The following AGBL4 variants were observed in gnomAD, a reference collection of about 807,000 sequenced individuals.
The protein encoded by AGBL4 is AGBL carboxypeptidase 4.
Under a neutral mutation model 66.4 loss-of-function variants are expected in AGBL4, and 58 were observed. That is an observed-to-expected ratio of 0.87 (90% CI 0.71 to 1.09). AGBL4 has a LOEUF of 1.09. Among genes scored for constraint, AGBL4 ranks in the 50% least tolerant of loss-of-function variants. AGBL4 has a pLI of 0.00. For missense variants in AGBL4, 579 were observed against 631.0 expected, an observed-to-expected ratio of 0.92 and a Z score of 0.88; for synonymous variants, 234 against 222.9, an observed-to-expected ratio of 1.05 and a Z score of -0.44.
At chr1:49,464,003 T>G (rs559002002) in intron 3 of AGBL4, among the ~76,000 whole-genome samples, 1 of 151,640 alleles carries the variant, frequency 6.6e-6, no homozygotes, top group South Asian at 2.1e-4. Context: ...AATAAACACA[T>G]GTTGATTAAT....
chr1:49,426,384 T>C (rs996235293), intron 3 of AGBL4, among the ~76,000 whole-genome samples: 7 of 152,188 alleles, frequency 4.6e-5, no homozygotes, highest in Non-Finnish European at 5.9e-5. Context: ...CTGGATGCAA[T>C]TGGAGCTTTA....
intron 4 of AGBL4, among the ~76,000 whole-genome samples, chr1:49,218,058 T>G (rs1378122342): frequency 3.3e-5 from 5 of 152,146 alleles, no homozygotes; most frequent in African/African-American, 9.7e-5. Flanking sequence ...ACTGATTCTG[T>G]TTCTGCTCTT....
At chr1:49,655,589 C>T (rs991066059) in intron 3 of AGBL4, among the ~76,000 whole-genome samples, 14 of 152,096 alleles carry the variant, frequency 9.2e-5, no homozygotes, top group African/African-American at 2.7e-4. Context: ...TAAATGCCTA[C>T]AAGAGAAAGC....
At chr1:49,975,373 C>T (rs1658471046) in intron 1 of AGBL4, among the ~76,000 whole-genome samples, 1 of 152,156 alleles carries the variant, frequency 6.6e-6, no homozygotes, top group Non-Finnish European at 1.5e-5. Context: ...TGCAAGTTTA[C>T]CACTTTGCAT....
At chr1:49,522,723 G>A (rs1212651802) in intron 3 of AGBL4, among the ~76,000 whole-genome samples, 4 of 152,092 alleles carry the variant, frequency 2.6e-5, no homozygotes, top group African/African-American at 9.7e-5. Flanking sequence ...GCTAGACCAT[G>A]ATCTGCCATT....
At chr1:49,260,792 T>C (rs1254174182) in intron 3 of AGBL4, among the ~76,000 whole-genome samples, 1 of 152,042 alleles carries the variant, frequency 6.6e-6, no homozygotes, top group Non-Finnish European at 1.5e-5. Flanking sequence ...GAGGGAATCC[T>C]CCCTAACTCA....
intron 2 of AGBL4, among the ~76,000 whole-genome samples, chr1:49,745,658 A>C (rs916882092): frequency 6.6e-6 from 1 of 151,998 alleles, no homozygotes; most frequent in Admixed American, 6.6e-5. Flanking sequence ...AGGAAAATAC[A>C]ATAAATATTA....
At chr1:49,717,962 C>A (rs1266965422) in intron 2 of AGBL4, among the ~76,000 whole-genome samples, 2 of 152,022 alleles carry the variant, frequency 1.3e-5, no homozygotes, top group African/African-American at 2.4e-5. Context: ...CAAGCTGGAG[C>A]AATAGTCACA....
intron 3 of AGBL4, among the ~76,000 whole-genome samples, chr1:49,388,893 T>G (rs1026547762): frequency 6.6e-6 from 1 of 152,112 alleles, no homozygotes; most frequent in Admixed American, 6.6e-5. Context: ...CTGAGGTTCC[T>G]CTAAGATTTG....
At chr1:48,695,744 C>T (rs1468456535) in intron 6 of AGBL4, among the ~76,000 whole-genome samples, 1 of 152,126 alleles carries the variant, frequency 6.6e-6, no homozygotes, top group South Asian at 2.1e-4. Context: ...GTGGGTGGAC[C>T]CATTTTAAGG....
chr1:48,780,384 C>T (rs1200300366), intron 6 of AGBL4, among the ~76,000 whole-genome samples: 1 of 152,050 alleles, frequency 6.6e-6, no homozygotes, highest in Non-Finnish European at 1.5e-5. Flanking sequence ...ATGCTATCCC[C>T]ATCAAGCTAC....
intron 3 of AGBL4, among the ~76,000 whole-genome samples, chr1:49,629,896 A>T (rs1645538030): frequency 1.3e-5 from 2 of 152,126 alleles, no homozygotes; most frequent in South Asian, 4.1e-4. Context: ...GGGGAAATCA[A>T]CCATTCTCCA....
intron 3 of AGBL4, among the ~76,000 whole-genome samples, chr1:49,253,936 G>A (rs1188913354): frequency 3.3e-5 from 5 of 152,104 alleles, no homozygotes; most frequent in Non-Finnish European, 7.4e-5. Flanking sequence ...TTCAAAAGAT[G>A]CAGAAAAGGC....
chr1:49,733,011 G>C (rs1300146871), intron 2 of AGBL4, among the ~76,000 whole-genome samples: 1 of 151,792 alleles, frequency 6.6e-6, no homozygotes, highest in Non-Finnish European at 1.5e-5. Context: ...TAAAAACAGG[G>C]AAATATTAAA....
At chr1:49,880,633 C>G (rs1647206692) in intron 1 of AGBL4, among the ~76,000 whole-genome samples, 1 of 152,264 alleles carries the variant, frequency 6.6e-6, no homozygotes, top group East Asian at 1.9e-4. Context: ...GCCCTGCCCC[C>G]AGAGGTGGAG....
chr1:49,758,383 T>G (rs1165467444), intron 2 of AGBL4, among the ~76,000 whole-genome samples: 1 of 152,070 alleles, frequency 6.6e-6, no homozygotes, highest in African/African-American at 2.4e-5. Context: ...AGTGTAGATA[T>G]AAGAAGATGG....
intron 2 of AGBL4, among the ~76,000 whole-genome samples, chr1:49,717,080 C>A (rs1648205111): frequency 6.6e-6 from 1 of 152,144 alleles, no homozygotes; most frequent in Admixed American, 6.6e-5. Flanking sequence ...TCAGCAAAAT[C>A]TCATGATACA....
intron 3 of AGBL4, among the ~76,000 whole-genome samples, chr1:49,518,940 G>A (rs938679550): frequency 6.6e-6 from 1 of 152,026 alleles, no homozygotes; most frequent in African/African-American, 2.4e-5. Flanking sequence ...TTTCTGAACT[G>A]TTCAAAAGCT....
intron 10 of AGBL4, among the ~76,000 whole-genome samples, chr1:48,589,490 G>A (rs1423186613): frequency 6.6e-6 from 1 of 152,138 alleles, no homozygotes; most frequent in Non-Finnish European, 1.5e-5. Flanking sequence ...CAGAGATTTA[G>A]TATCAAAACA....
Sources: gnomAD v4.1 joint callset for allele counts (sites outside exome capture counted in the v4.1 genomes callset) on GRCh38, gnomAD v4.1.1 for gene constraint, MANE v1.5 for transcripts, NCBI Gene and HGNC (gene_info 2026-07-23, HGNC 2026-07-21) for gene names.